The following NALF1 variants were observed in gnomAD, a reference collection of about 807,000 sequenced individuals.
NALF1 encodes the protein family with sequence similarity 155 member A.
Under a neutral mutation model 48.4 loss-of-function variants are expected in NALF1, and 3 were observed. That is an observed-to-expected ratio of 0.06 (90% CI 0.03 to 0.16). NALF1 has a LOEUF of 0.16. Ranked by LOEUF, NALF1 falls within the 10% of genes least tolerant of loss-of-function variation. The pLI is 1.00. For missense variants in NALF1, 526 were observed against 571.5 expected (o/e 0.92, Z 0.81); for synonymous variants, 262 against 245.7 (o/e 1.07, Z -0.62).
At chr13:107,426,118 C>T (rs981056615) in intron 1 of NALF1, among the ~76,000 whole-genome samples, 8 of 152,140 alleles carry the variant, frequency 5.3e-5, no homozygotes, top group East Asian at 1.9e-4. Flanking sequence ...TCCACCAGGG[C>T]GAGGTGCTTT....
chr13:107,791,978 C>T (rs929394950), intron 1 of NALF1, among the ~76,000 whole-genome samples: 34 of 152,164 alleles, frequency 2.2e-4, no homozygotes, highest in African/African-American at 6.8e-4. Flanking sequence ...CAACAACAGA[C>T]TCTACAAATT....
At chr13:107,575,914 C>T (rs546142385) in intron 1 of NALF1, among the ~76,000 whole-genome samples, 22 of 151,060 alleles carry the variant, frequency 1.5e-4, no homozygotes, top group African/African-American at 4.9e-4. Flanking sequence ...TGTGTCTAGG[C>T]GTGTATGTTT....
At chr13:107,716,992 C>T (rs905469197) in intron 1 of NALF1, among the ~76,000 whole-genome samples, 1 of 152,154 alleles carries the variant, frequency 6.6e-6, no homozygotes, top group Non-Finnish European at 1.5e-5. Context: ...ACTTAAAGAT[C>T]ATCTCTTCCA....
At chr13:107,516,186 G>A (rs1275941818) in intron 1 of NALF1, among the ~76,000 whole-genome samples, 2 of 152,188 alleles carry the variant, frequency 1.3e-5, no homozygotes, top group Non-Finnish European at 2.9e-5. Context: ...ATGCAATAAA[G>A]AGTTCTCATC....
At chr13:107,437,419 C>T (rs1480876675) in intron 1 of NALF1, among the ~76,000 whole-genome samples, 1 of 152,120 alleles carries the variant, frequency 6.6e-6, no homozygotes, top group East Asian at 1.9e-4. Flanking sequence ...AAGGACCACA[C>T]AAAAACTTGT....
At chr13:107,364,282 G>T (rs1165087723) in intron 1 of NALF1, among the ~76,000 whole-genome samples, 3 of 152,102 alleles carry the variant, frequency 2.0e-5, no homozygotes, top group Admixed American at 1.3e-4. Flanking sequence ...TATTGATCTT[G>T]AACAACAAGA....
intron 1 of NALF1, among the ~76,000 whole-genome samples, chr13:107,554,130 G>T (rs144529162): frequency 6.6e-6 from 1 of 152,156 alleles, no homozygotes; most frequent in Non-Finnish European, 1.5e-5. Flanking sequence ...CTGACACTAC[G>T]TAGGGTTCCT....
At chr13:107,711,621 T>C (rs979416383) in intron 1 of NALF1, among the ~76,000 whole-genome samples, 4 of 152,214 alleles carry the variant, frequency 2.6e-5, no homozygotes, top group Non-Finnish European at 4.4e-5. Context: ...GTCAGTTATA[T>C]AAAGCACCCA....
At chr13:107,333,309 G>A (rs781516244) in intron 1 of NALF1, among the ~76,000 whole-genome samples, 4 of 152,132 alleles carry the variant, frequency 2.6e-5, no homozygotes, top group African/African-American at 4.8e-5. Context: ...TTGGGCTTAG[G>A]AATACCAGAC....
At chr13:107,842,158 G>A (rs1009186375) in intron 1 of NALF1, among the ~76,000 whole-genome samples, 1 of 151,754 alleles carries the variant, frequency 6.6e-6, no homozygotes, top group African/African-American at 2.4e-5. Context: ...TAAAATACCT[G>A]ATATATCATT....
chr13:107,322,546 G>A (rs906650073), intron 1 of NALF1, among the ~76,000 whole-genome samples: 1 of 151,836 alleles, frequency 6.6e-6, no homozygotes, highest in African/African-American at 2.4e-5. Flanking sequence ...TGATTTTCTG[G>A]TACCTCCACC....
At chr13:107,557,498 TA>T (rs945283294) in intron 1 of NALF1, among the ~76,000 whole-genome samples, 3 of 152,044 alleles carry the variant, frequency 2.0e-5, no homozygotes, top group African/African-American at 7.2e-5. Flanking sequence ...TTTGGCCTAC[TA>T]ACAACACTGC....
In NALF1 at chr13:107,531,983, G is replaced by A. The variant is rs79107824; in HGVS notation, c.916-321228C>T. ...GCTTTTTCACAATCAAGTTCATAAC[G>A]CAGCTGAATTTGCATACTTACCTAA... On this transcript the variant is annotated intron_variant, in intron 1 of 2. Coordinates refer to ENST00000375915, the MANE Select transcript of NALF1 (RefSeq NM_001080396.3). Among the ~76,000 whole-genome samples, 1,078 of 152,078 alleles carry A rather than the reference G, an allele frequency of 7.1e-3. 43 individuals are homozygous for A. In the East Asian group the frequency reaches 0.1, roughly 15 times the overall value.
intron 1 of NALF1, among the ~76,000 whole-genome samples, chr13:107,459,844 T>C (rs1227436712): frequency 6.6e-6 from 1 of 152,118 alleles, no homozygotes; most frequent in Non-Finnish European, 1.5e-5. Context: ...AAGGCTCAAG[T>C]GATCCTCCCA....
Position 107,164,934 on chromosome 13 carries a change from T to C in NALF1, c.*5563A>G, listed in dbSNP as rs1355440090. 1 of 152,286 alleles carries C rather than the reference T, an allele frequency of 6.6e-6. No homozygotes were observed. Among genetic ancestry groups the C allele is most frequent in the Admixed American group, 6.5e-5 (1 of 15,296 alleles). 9.4% of individuals were successfully genotyped at this position (152,286 alleles called of 1,614,324 possible). Reference sequence around the variant, plus strand: ...TGATAACTAACTACTACTGAGCACCTGTTTTGTCCAGGCACATTTATATTA... The same window carrying C: ...TGATAACTAACTACTACTGAGCACCCGTTTTGTCCAGGCACATTTATATTA... On this transcript the variant is annotated 3_prime_UTR_variant, in exon 3 of 3. Transcript: ENST00000375915.
At chr13:107,181,350 T>C (rs1879056095) in intron 2 of NALF1, among the ~76,000 whole-genome samples, 1 of 151,496 alleles carries the variant, frequency 6.6e-6, no homozygotes, top group East Asian at 1.9e-4. Flanking sequence ...AATGTATTCT[T>C]AAAAATAAAA....
At position 107,455,714 on chromosome 13, in the gene NALF1, C is replaced by T. The variant is rs1271238302; in HGVS notation, c.916-244959G>A. ...TGTTTATCCTCCTCTCCCCACTAACCTCTGGCAAGCACTGATCCCTTTGTC... is the reference window on the plus strand; with the variant it reads ...TGTTTATCCTCCTCTCCCCACTAACTTCTGGCAAGCACTGATCCCTTTGTC... On this transcript the variant is annotated intron_variant, in intron 1 of 2. Coordinates refer to ENST00000375915, the MANE Select transcript of NALF1 (RefSeq NM_001080396.3). Among the ~76,000 whole-genome samples, 4 of 152,188 alleles carry T rather than the reference C, an allele frequency of 2.6e-5. No individual in the cohort carries two copies. In the East Asian group the frequency reaches 7.7e-4, roughly 29 times the overall value.
At chr13:107,493,797 G>A (rs1439491397) in intron 1 of NALF1, among the ~76,000 whole-genome samples, 1 of 152,198 alleles carries the variant, frequency 6.6e-6, no homozygotes, top group Non-Finnish European at 1.5e-5. Context: ...GCCGAGGTGA[G>A]AGGATGGCTT....
chr13:107,744,967 T>C (rs556007070), intron 1 of NALF1, among the ~76,000 whole-genome samples: 1 of 152,344 alleles, frequency 6.6e-6, no homozygotes, highest in South Asian at 2.1e-4. Flanking sequence ...CGTACGACTC[T>C]ACCACACAGG....
Sources: gnomAD v4.1 joint callset for allele counts (sites outside exome capture counted in the v4.1 genomes callset) on GRCh38, gnomAD v4.1.1 for gene constraint, MANE v1.5 for transcripts, NCBI Gene and HGNC (gene_info 2026-07-23, HGNC 2026-07-21) for gene names.